The following DLD variants were observed in gnomAD, a reference collection of about 807,000 sequenced individuals.
DLD encodes dihydrolipoamide dehydrogenase, also known as dihydrolipoyl dehydrogenase, mitochondrial.
A neutral mutation model predicts 62.2 loss-of-function variants in DLD; 36 were observed. The ratio of observed to expected loss-of-function variants is 0.58; its 90% CI spans 0.44 to 0.76. DLD has a LOEUF of 0.76. DLD is among the 30% of genes least tolerant of loss of function. DLD has a pLI of 0.00. For missense variants in DLD, 541 were observed against 608.6 expected, an observed-to-expected ratio of 0.89 and a Z score of 1.17; for synonymous variants, 204 against 199.6, an observed-to-expected ratio of 1.02 and a Z score of -0.19.
At chr7:107,891,641 G>A (rs2031579532) in intron 1 of DLD, 2 of 473,452 alleles carry the variant, frequency 4.2e-6, no homozygotes, top group South Asian at 2.1e-5. Context: ...CGTATAGTCT[G>A]GCTTTTTATA....
chr7:107,896,571 A>G (rs1007804357), intron 2 of DLD, among the ~76,000 whole-genome samples: 7 of 152,280 alleles, frequency 4.6e-5, no homozygotes, highest in African/African-American at 1.4e-4. Context: ...TTATGACTAG[A>G]AAGTAGAGTA....
intron 2 of DLD, among the ~76,000 whole-genome samples, chr7:107,895,295 T>A (rs1402961062): frequency 2.0e-5 from 3 of 152,218 alleles, no homozygotes; most frequent in Non-Finnish European, 4.4e-5. Context: ...TGAGTTTTCT[T>A]CCTTACATGA....
In DLD at chr7:107,902,217, T is replaced by C. The variant is rs10250718; in HGVS notation, c.199-108T>C. On this transcript the variant is annotated intron_variant, in intron 3 of 13. Transcript: ENST00000205402. ...CTATATATTTTAGTCTGTGAAAACA[T>C]AGCCCGAATAGCTTGTTTTGTAGAA... 0.61 allele frequency: 592,277 copies of C among 968,764 alleles called. 184,491 individuals carry two copies. Among genetic ancestry groups the C allele is most frequent in the East Asian group, 0.87 (34,237 of 39,560 alleles). The allele number at this position is 968,764 out of a possible 1,614,324, so 60.0% of individuals were successfully genotyped here.
intron 2 of DLD, among the ~76,000 whole-genome samples, chr7:107,900,338 A>G (rs187192314): frequency 6.6e-6 from 1 of 152,276 alleles, no homozygotes; most frequent in East Asian, 1.9e-4. Context: ...GCAAATTAAA[A>G]TAGTCTTCTT....
intron 8 of DLD, among the ~76,000 whole-genome samples, chr7:107,907,429 T>C (rs1461475768): frequency 2.0e-5 from 3 of 152,216 alleles, no homozygotes; most frequent in African/African-American, 7.2e-5. Flanking sequence ...GCTTGTATAC[T>C]GTCTGCTCTG....
In DLD at chr7:107,905,868, T is replaced by C. The variant is rs1047828318; in HGVS notation, c.582+364T>C. ...GTGATTCTACTGAGATCACAGTTTA[T>C]AAATACATTTATCTCTTCATATCCT... On this transcript the variant is annotated intron_variant, in intron 7 of 13. Transcript: ENST00000205402. 3.0e-5 allele frequency: 10 copies of C among 328,726 alleles called. No individual in the cohort carries two copies. The South Asian group carries it at 3.1e-4, about 10-fold the overall frequency. The allele number at this position is 328,726 out of a possible 1,614,324, so 20.4% of individuals were successfully genotyped here.
At chr7:107,911,482 A>G (rs1041241311) in intron 8 of DLD, among the ~76,000 whole-genome samples, 3 of 151,974 alleles carry the variant, frequency 2.0e-5, no homozygotes, top group Non-Finnish European at 4.4e-5. Context: ...ATCTGTTTTC[A>G]TTTCTCTTGG....
At chr7:107,902,599 C>T (rs1223267153) in intron 4 of DLD, among the ~76,000 whole-genome samples, 1 of 152,206 alleles carries the variant, frequency 6.6e-6, no homozygotes, top group East Asian at 1.9e-4. Context: ...GCCACACATT[C>T]CTGAAATAAC....
chr7:107,907,788 T>C (rs899433982), intron 8 of DLD, among the ~76,000 whole-genome samples: 6 of 152,274 alleles, frequency 3.9e-5, no homozygotes, highest in Non-Finnish European at 7.3e-5. Context: ...AAATGCTCCT[T>C]ATCTTGGTCC....
intron 1 of DLD, 71 bp downstream of exon 1, chr7:107,891,360 C>T: frequency 3.2e-6 from 5 of 1,569,304 alleles, no homozygotes; most frequent in Non-Finnish European, 4.4e-6. Flanking sequence ...GTCCGGTACG[C>T]GGCTTAACCG....
chr7:107,901,715 A>T, intron 2 of DLD, 23 bp from the exon 3 acceptor site: 1 of 1,599,090 alleles, frequency 6.3e-7, no homozygotes, highest in Non-Finnish European at 8.6e-7. Context: ...TTACTATTTT[A>T]TATCAATTTG....
intron 8 of DLD, among the ~76,000 whole-genome samples, chr7:107,906,676 CA>C (rs1166446897): frequency 3.3e-5 from 5 of 152,158 alleles, no homozygotes; most frequent in African/African-American, 1.2e-4. Context: ...TTATCCTGGG[CA>C]AATTGCATTC....
At chr7:107,914,240 T>C (rs1476391250) in intron 8 of DLD, among the ~76,000 whole-genome samples, 2 of 152,122 alleles carry the variant, frequency 1.3e-5, no homozygotes, top group African/African-American at 4.8e-5. Flanking sequence ...ATTGAATTTT[T>C]CTTATTGAAT....
At chr7:107,898,405 C>T (rs768438082) in intron 2 of DLD, among the ~76,000 whole-genome samples, 23 of 151,286 alleles carry the variant, frequency 1.5e-4, no homozygotes, top group African/African-American at 4.6e-4. Flanking sequence ...CTCAGCCTCC[C>T]GAGTAGCTGG....
chr7:107,913,663 A>G (rs1326656738), intron 8 of DLD, among the ~76,000 whole-genome samples: 3 of 152,146 alleles, frequency 2.0e-5, no homozygotes, highest in African/African-American at 7.2e-5. Context: ...ATATAAGATC[A>G]TGTAGTCTGC....
Position 107,919,137 on chromosome 7 carries a change from A to G in DLD, c.1464+38A>G, listed in dbSNP as rs747699776. On this transcript the variant is annotated intron_variant, in intron 13 of 13. Coordinates refer to ENST00000205402, the MANE Select transcript of DLD (RefSeq NM_000108.5). ...AACATATAGAATTGATGGTTGCCTA[A>G]ATTTTCTTCTGACCCACAAATATTT... is the stretch of plus-strand genomic sequence containing the variant. 1.2e-5 allele frequency: 19 copies of G among 1,612,354 alleles called. No individual in the cohort carries two copies. In the Admixed American group the frequency reaches 3.2e-4, roughly 27 times the overall value.
At chr7:107,905,861 CAGTTTAT>C (rs1349157489) in intron 7 of DLD, 3 of 332,592 alleles carry the variant, frequency 9.0e-6, no homozygotes, top group Non-Finnish European at 1.7e-5. Context: ...ACTGAGATCA[CAGTTTAT>C]AAATACATTT....
chr7:107,891,279 C>T lies in DLD; in HGVS notation c.29C>T (p.Ser10Phe), dbSNP rs757407115. 10 of 1,614,130 alleles carry T rather than the reference C, an allele frequency of 6.2e-6. No homozygotes were observed. The highest frequency in any genetic ancestry group is 3.3e-5 in the Admixed American group (2 of 60,032). ...CAGAGCTGGAGTCGTGTGTACTGCTCCTTGGCCAAGGTGAGGGCCGAGTAG... is the reference window on the plus strand; with the variant it reads ...CAGAGCTGGAGTCGTGTGTACTGCTTCTTGGCCAAGGTGAGGGCCGAGTAG... MQSWSRVYCSLAKRGHFNRI... is the reference protein window; with the variant it reads MQSWSRVYCFLAKRGHFNRI... Residue 10 changes from serine to phenylalanine, a missense_variant, in exon 1 of 14, where the codon TCC (serine) becomes TTC (phenylalanine). Coordinates refer to ENST00000205402, the MANE Select transcript of DLD (RefSeq NM_000108.5).
intron 1 of DLD, among the ~76,000 whole-genome samples, chr7:107,892,696 CCACTA>C (rs1369911328): frequency 6.6e-6 from 1 of 152,146 alleles, no homozygotes; most frequent in Non-Finnish European, 1.5e-5. Context: ...CAGGCACCCA[CCACTA>C]CACCCGGCTA....
Sources: gnomAD v4.1 joint callset for allele counts (sites outside exome capture counted in the v4.1 genomes callset) on GRCh38, gnomAD v4.1.1 for gene constraint, MANE v1.5 for transcripts, NCBI Gene and HGNC (gene_info 2026-07-23, HGNC 2026-07-21) for gene names.